ST7: variants seen among roughly 807,000 people sequenced by gnomAD.
The protein encoded by ST7 is suppressor of tumorigenicity 7 protein.
ST7 carries 28 observed loss-of-function variants against 78.7 expected under a neutral mutation model. The ratio of observed to expected loss-of-function variants is 0.36; its 90% confidence interval spans 0.26 to 0.49. The LOEUF is 0.49. ST7 is among the 20% of genes least tolerant of loss of function. The pLI, the probability that ST7 is intolerant of heterozygous loss-of-function variation, is 0.99. For missense variants in ST7, 418 were observed against 696.0 expected (o/e 0.60, Z 4.49); for synonymous variants, 247 against 249.6 (o/e 0.99, Z 0.10).
At chr7:117,035,999 T>C (rs1796878443) in intron 1 of ST7, among the ~76,000 whole-genome samples, 1 of 152,200 alleles carries the variant, frequency 6.6e-6, no homozygotes, top group Non-Finnish European at 1.5e-5. Context: ...TCACAACTGA[T>C]TCTGGAGGTT....
intron 13 of ST7, among the ~76,000 whole-genome samples, chr7:117,216,318 A>G (rs1167227103): frequency 2.0e-5 from 3 of 152,220 alleles, no homozygotes; most frequent in Admixed American, 6.5e-5. Flanking sequence ...AATATCATTT[A>G]TATACCATGT....
chr7:117,098,878 A>G (rs1477249649), intron 1 of ST7: 10 of 1,241,864 alleles, frequency 8.1e-6, no homozygotes, highest in Non-Finnish European at 1.1e-5. Context: ...ATAAATAACA[A>G]TGACTTAAAA....
At chr7:117,057,137 T>TA (rs1354014434) in intron 1 of ST7, among the ~76,000 whole-genome samples, 1 of 152,200 alleles carries the variant, frequency 6.6e-6, no homozygotes. Context: ...ATTTAAAATG[T>TA]AATTATTTTA....
chr7:117,056,465 T>G (rs1185935454), intron 1 of ST7, among the ~76,000 whole-genome samples: 1 of 151,906 alleles, frequency 6.6e-6, no homozygotes, highest in African/African-American at 2.4e-5. Flanking sequence ...AAACCCCATC[T>G]CTACTAAAAA....
chr7:117,172,195 T>C (rs1808048185), intron 10 of ST7, among the ~76,000 whole-genome samples: 1 of 152,168 alleles, frequency 6.6e-6, no homozygotes, highest in Non-Finnish European at 1.5e-5. Flanking sequence ...ACTTCCCACC[T>C]TGGCCCCGCA....
intron 1 of ST7, among the ~76,000 whole-genome samples, chr7:117,071,414 C>T (rs1798951734): frequency 6.6e-6 from 1 of 152,068 alleles, no homozygotes; most frequent in East Asian, 1.9e-4. Context: ...ATTCCTTCTC[C>T]CAATTAATTT....
chr7:117,161,269 G>T (rs12333554), intron 9 of ST7, among the ~76,000 whole-genome samples: 2 of 152,034 alleles, frequency 1.3e-5, no homozygotes, highest in South Asian at 4.1e-4. Flanking sequence ...AAAAGTACAT[G>T]TCACAAACAC....
chr7:117,146,773 A>T (rs1805823432), intron 9 of ST7, among the ~76,000 whole-genome samples: 1 of 152,210 alleles, frequency 6.6e-6, no homozygotes, highest in South Asian at 2.1e-4. Context: ...GTCAGCTAAG[A>T]TGTGGAAGTC....
intron 8 of ST7, 56 bp from the exon 9 acceptor site, chr7:117,138,379 G>C: frequency 8.3e-7 from 1 of 1,205,666 alleles, no homozygotes; most frequent in Non-Finnish European, 1.2e-6. Context: ...CAAGGCAAAT[G>C]GGCCTCTGTA....
At chr7:116,982,491 T>C (rs1794003311) in intron 1 of ST7, among the ~76,000 whole-genome samples, 1 of 152,210 alleles carries the variant, frequency 6.6e-6, no homozygotes, top group Non-Finnish European at 1.5e-5. Flanking sequence ...CCCCATTTAC[T>C]TCTTTAAACC....
intron 15 of ST7, chr7:117,223,115 C>G: frequency 1.5e-6 from 1 of 659,740 alleles, no homozygotes; most frequent in Non-Finnish European, 2.7e-6. Context: ...CCCCACATCC[C>G]ATCGTCTCGG....
chr7:117,083,062 A>T (rs1272684556), intron 1 of ST7, among the ~76,000 whole-genome samples: 1 of 151,802 alleles, frequency 6.6e-6, no homozygotes, highest in Admixed American at 6.6e-5. Flanking sequence ...TTATATTTTT[A>T]TTTTATTTTA....
intron 10 of ST7, among the ~76,000 whole-genome samples, chr7:117,176,061 T>A (rs1397190518): frequency 1.3e-5 from 2 of 152,164 alleles, no homozygotes; most frequent in Non-Finnish European, 2.9e-5. Flanking sequence ...TTACTCCTGA[T>A]CAAAGGAAAA....
At chr7:117,138,349 A>G in intron 8 of ST7, 86 bp from the exon 9 acceptor site, 2 of 787,516 alleles carry the variant, frequency 2.5e-6, no homozygotes, top group Non-Finnish European at 4.0e-6. Flanking sequence ...TGTCAGTGCT[A>G]TGAAAATTTC....
chr7:117,167,290 T>C (rs1439020628), intron 9 of ST7, among the ~76,000 whole-genome samples: 4 of 143,828 alleles, frequency 2.8e-5, no homozygotes, highest in Non-Finnish European at 6.0e-5. Flanking sequence ...TCATGATTCT[T>C]AAGGTGTATG....
chr7:116,972,476 G>C (rs1004005584), intron 1 of ST7: 2 of 842,764 alleles, frequency 2.4e-6, no homozygotes, highest in Middle Eastern at 2.3e-4. Flanking sequence ...AGCTCAGTTT[G>C]TTCCTCTGTG....
chr7:117,106,333 G>T (rs1000477699), intron 2 of ST7, among the ~76,000 whole-genome samples: 1 of 152,142 alleles, frequency 6.6e-6, no homozygotes, highest in African/African-American at 2.4e-5. Context: ...TGGTTAGTTT[G>T]CAGCAAAGTC....
chr7:116,979,648 T>C (rs1411099333), intron 1 of ST7, among the ~76,000 whole-genome samples: 1 of 152,196 alleles, frequency 6.6e-6, no homozygotes, highest in Non-Finnish European at 1.5e-5. Context: ...TCTGCCTTTA[T>C]TTCAACACTT....
In ST7 at chr7:117,190,377, G is replaced by C. The variant is rs571879261; in HGVS notation, c.1152-457G>C. On this transcript the variant is annotated intron_variant, in intron 11 of 15. Transcript: ENST00000323984. The surrounding 1 kb of genome is among the most constrained non-coding windows in gnomAD (Gnocchi z 5.2). ...TGCCGGAATGGCCCCAAGCAGGCTC[G>C]CCTGCTGCTGAAGCTGCAACGATTT... 1.8e-5 allele frequency: 3 copies of C among 168,984 alleles called. No individual in the cohort carries two copies. Among genetic ancestry groups the C allele is most frequent in the Non-Finnish European group, 4.2e-5 (3 of 70,980 alleles). The allele number at this position is 168,984 out of a possible 1,614,324, so 10.5% of individuals were successfully genotyped here.
Sources: allele counts gnomAD v4.1 joint callset (sites outside exome capture counted in the v4.1 genomes callset), GRCh38; gene constraint gnomAD v4.1.1; non-coding constraint Gnocchi (gnomAD v3.1); transcripts MANE v1.5; gene names NCBI Gene and HGNC (gene_info 2026-07-23, HGNC 2026-07-21).